The following IQGAP1 variants were observed in gnomAD, a reference collection of about 807,000 sequenced individuals.
IQGAP1 encodes IQ motif containing GTPase activating protein 1, also known as ras GTPase-activating-like protein IQGAP1.
A neutral mutation model predicts 215.6 loss-of-function variants in IQGAP1; 66 were observed. The observed-to-expected ratio is 0.31, with a 90% CI of 0.25 to 0.38. The LOEUF is 0.38. Ranked by LOEUF, IQGAP1 falls within the 10% of genes least tolerant of loss-of-function variation. The probability of loss-of-function intolerance (pLI) is 1.00; values close to 1 mark genes in which losing one functional copy is unlikely to be tolerated. For synonymous variants in IQGAP1, 772 were observed against 728.7 expected, an observed-to-expected ratio of 1.06 and a Z score of -0.96; for missense variants, 1,712 against 1,997.1, an observed-to-expected ratio of 0.86 and a Z score of 2.72.
rs1299961068 is a variant in IQGAP1 at position 90,466,253 on chromosome 15, T to A, written c.1868-16T>A. The A allele has an allele frequency of 2.5e-6, 4 of 1,613,202 alleles. No individual in the cohort carries two copies. Among genetic ancestry groups the A allele is most frequent in the Non-Finnish European group, 3.4e-6 (4 of 1,179,280 alleles). On this transcript the variant is annotated splice_polypyrimidine_tract_variant and intron_variant, in intron 16 of 37. Transcript: ENST00000268182. ...ACTCTCTAAACTATTCTGGTAACAG[T>A]TCTTTCCCGAAATAGTTGCCTTAGG...
At chr15:90,487,803 C>G (rs571746319) in intron 33 of IQGAP1, among the ~76,000 whole-genome samples, 24 of 152,272 alleles carry the variant, frequency 1.6e-4, no homozygotes, top group Non-Finnish European at 2.6e-4. Context: ...CACTTGCATG[C>G]AGAATCATTG....
intron 2 of IQGAP1, among the ~76,000 whole-genome samples, chr15:90,414,029 G>T (rs773522473): frequency 6.6e-6 from 1 of 151,930 alleles, no homozygotes; most frequent in African/African-American, 2.4e-5. Flanking sequence ...TTTTCTTGCA[G>T]ACTATAAAAA....
intron 2 of IQGAP1, among the ~76,000 whole-genome samples, chr15:90,405,611 A>G (rs1964866441): frequency 1.3e-5 from 2 of 152,232 alleles, no homozygotes; most frequent in Admixed American, 1.3e-4. Flanking sequence ...TACTGAGTTA[A>G]ACCAAGCCAA....
At chr15:90,488,848 G>A (rs770443004) in intron 33 of IQGAP1, among the ~76,000 whole-genome samples, 28 of 152,150 alleles carry the variant, frequency 1.8e-4, no homozygotes, top group Non-Finnish European at 2.9e-4. Context: ...CTAGAATGGA[G>A]CTGTGGGTGG....
At chr15:90,432,396 T>G (rs1965315474) in intron 4 of IQGAP1, among the ~76,000 whole-genome samples, 2 of 152,176 alleles carry the variant, frequency 1.3e-5, no homozygotes, top group East Asian at 1.9e-4. Flanking sequence ...CCAGCTCCCA[T>G]CTCCCATTAT....
intron 25 of IQGAP1, 87 bp from the exon 26 acceptor site, chr15:90,477,578 T>G: frequency 8.3e-6 from 8 of 961,722 alleles, no homozygotes; most frequent in Non-Finnish European, 1.3e-5. Flanking sequence ...AGAAACTGTT[T>G]CAGGGAGATA....
At chr15:90,455,437 C>T (rs1453953108) in intron 14 of IQGAP1, among the ~76,000 whole-genome samples, 1 of 152,054 alleles carries the variant, frequency 6.6e-6, no homozygotes, top group Non-Finnish European at 1.5e-5. Context: ...GGCGGAGGGG[C>T]CCACCATGAA....
chr15:90,444,279 G>GTGTGTGTGTGTGTGTGTA (rs773341335), intron 9 of IQGAP1, among the ~76,000 whole-genome samples: 15 of 72,970 alleles, frequency 2.1e-4, no homozygotes, highest in African/African-American at 1.1e-3. Context: ...GTGTGTGTGT[G>GTGTGTGTGTGTGTGTGTA]TATATATATA....
chr15:90,479,402 T>G (rs888566290), intron 26 of IQGAP1, among the ~76,000 whole-genome samples: 1 of 151,896 alleles, frequency 6.6e-6, no homozygotes, highest in Non-Finnish European at 1.5e-5. Context: ...AACAGGGAGT[T>G]TTACGCTGGG....
intron 2 of IQGAP1, among the ~76,000 whole-genome samples, chr15:90,403,490 C>CA (rs1358998638): frequency 2.6e-5 from 4 of 152,086 alleles, no homozygotes; most frequent in Non-Finnish European, 5.9e-5. Context: ...AGAGACTATG[C>CA]AAGTATATAA....
chr15:90,481,857 C>G, intron 26 of IQGAP1, 103 bp from the exon 27 acceptor site: 1 of 1,223,082 alleles, frequency 8.2e-7, no homozygotes, highest in Non-Finnish European at 1.2e-6. Context: ...CTTAAGCTAT[C>G]TAATATTTCT....
chr15:90,406,810 T>G (rs961894551), intron 2 of IQGAP1, among the ~76,000 whole-genome samples: 1 of 152,204 alleles, frequency 6.6e-6, no homozygotes, highest in Admixed American at 6.5e-5. Context: ...TGTGATGTCC[T>G]ACATTGGAGT....
In IQGAP1 at chr15:90,460,065, A is replaced by G. The variant is rs181016371; in HGVS notation, c.1776+3750A>G. On this transcript the variant is annotated intron_variant, in intron 15 of 37. Transcript: ENST00000268182. ...TTTTGAGCTGCAGTACTGTGTAGGA[A>G]AGGGGTCCCGATGCAGACCCCAAGA... 6.6e-5 allele frequency among the ~76,000 whole-genome samples: 10 copies of G among 152,116 alleles called. No homozygotes were observed. In the East Asian group the frequency reaches 1.2e-3, roughly 18 times the overall value.
chr15:90,429,889 A>G (rs1193735904), intron 4 of IQGAP1: 10 of 347,786 alleles, frequency 2.9e-5, no homozygotes, highest in South Asian at 9.4e-5. Flanking sequence ...CCCTGTGATG[A>G]TATCTACTTT....
At chr15:90,443,669 C>T (rs1567127955) in intron 9 of IQGAP1, among the ~76,000 whole-genome samples, 191 bp downstream of exon 9, 1 of 152,106 alleles carries the variant, frequency 6.6e-6, no homozygotes. Context: ...TTCAGTCAGC[C>T]GCTTGTTCCT....
rs116699311 is a variant in IQGAP1, at chr15:90,432,320, T to C, written c.391-1399T>C. Among the ~76,000 whole-genome samples, 1,079 of 152,316 alleles carry C rather than the reference T, an allele frequency of 7.1e-3. 8 individuals carry two copies. Among genetic ancestry groups the C allele is most frequent in the African/African-American group, 0.025 (1,030 of 41,564 alleles). The stretch of plus-strand genomic sequence containing the variant: ...TCTAAATCTGGTCATTCCCTAAGCC[T>C]TCTCCATTTATTTGAAATATCTCTT... On this transcript the variant is annotated intron_variant, in intron 4 of 37. Transcript: ENST00000268182.
rs1966021023 is a variant in IQGAP1, at chr15:90,479,123, G to T, written c.3329+1234G>T. ...TTAGATCATGCATGAAGCTCTCTGG[G>T]CATAGGTGGAGTAGCAGCTGTCCAC... is the stretch of plus-strand genomic sequence containing the variant. On this transcript the variant is annotated intron_variant, in intron 26 of 37. Transcript: ENST00000268182. Among the ~76,000 whole-genome samples the T allele has an allele frequency of 1.3e-5, 2 of 152,134 alleles. 1 individual carries two copies. The highest frequency in any genetic ancestry group is 1.3e-4 in the Admixed American group (2 of 15,276).
At chr15:90,471,099 G>T (rs574273566) in intron 18 of IQGAP1, among the ~76,000 whole-genome samples, 1 of 152,090 alleles carries the variant, frequency 6.6e-6, no homozygotes, top group East Asian at 1.9e-4. Flanking sequence ...CCTTCATTTT[G>T]CAGTCCAGAA....
chr15:90,489,293 AATTTTT>A (rs1966171883), intron 33 of IQGAP1, among the ~76,000 whole-genome samples: 1 of 151,622 alleles, frequency 6.6e-6, no homozygotes, highest in Non-Finnish European at 1.5e-5. Flanking sequence ...ACACCTGGCT[AATTTTT>A]GTATTTTTAG....
Sources: gnomAD v4.1 joint callset for allele counts (sites outside exome capture counted in the v4.1 genomes callset) on GRCh38, gnomAD v4.1.1 for gene constraint, MANE v1.5 for transcripts, NCBI Gene and HGNC (gene_info 2026-07-23, HGNC 2026-07-21) for gene names.